NHS: variants seen among roughly 807,000 people sequenced by gnomAD.
NHS encodes NHS actin remodeling regulator.
A neutral mutation model predicts 72.5 loss-of-function variants in NHS; 5 were observed. The observed-to-expected ratio is 0.07, with a 90% CI of 0.04 to 0.14. NHS has a LOEUF of 0.14. Ranked by LOEUF, NHS falls within the 10% of genes least tolerant of loss-of-function variation. The pLI is 1.00. For synonymous variants in NHS, 464 were observed against 547.7 expected, an observed-to-expected ratio of 0.85 and a Z score of 2.13; for missense variants, 1,072 against 1,355.7, an observed-to-expected ratio of 0.79 and a Z score of 3.29.
chrX:17,609,158 A>T, intron 1 of NHS, among the ~76,000 whole-genome samples: 1 of 112,006 alleles, frequency 8.9e-6, no homozygotes, highest in Non-Finnish European at 1.9e-5. Context: ...CCCATCATTG[A>T]TTTATTTAAT....
chrX:17,575,172 A>T (rs920541034), intron 1 of NHS, among the ~76,000 whole-genome samples: 5 of 112,248 alleles, frequency 4.5e-5, no homozygotes, highest in African/African-American at 1.6e-4. Context: ...CATCAAAGTG[A>T]TCCTTTAACT....
intron 1 of NHS, among the ~76,000 whole-genome samples, chrX:17,598,788 T>C (rs1349100999): frequency 2.7e-5 from 3 of 111,373 alleles, no homozygotes; most frequent in East Asian, 2.8e-4. Flanking sequence ...GGTATACATA[T>C]AGAAAAATGC....
intron 3 of NHS, among the ~76,000 whole-genome samples, chrX:17,703,396 G>A (rs770336205): frequency 2.7e-5 from 3 of 112,308 alleles, no homozygotes; most frequent in African/African-American, 3.2e-5. Context: ...TCCACCAAGG[G>A]CAGATTTATG....
chrX:17,499,564 G>C (rs1439811556), intron 1 of NHS, among the ~76,000 whole-genome samples: 1 of 110,522 alleles, frequency 9.0e-6, no homozygotes, highest in Non-Finnish European at 1.9e-5. Context: ...ACCCGACACA[G>C]GGATTCTAGT....
At chrX:17,453,987 C>T (rs372118823) in intron 1 of NHS, among the ~76,000 whole-genome samples, 1 of 112,114 alleles carries the variant, frequency 8.9e-6, no homozygotes, top group East Asian at 2.8e-4. Flanking sequence ...TGCACCCACA[C>T]CCATGGTATG....
intron 1 of NHS, among the ~76,000 whole-genome samples, chrX:17,594,686 A>G (rs1298909412): frequency 8.9e-6 from 1 of 112,762 alleles, no homozygotes; most frequent in African/African-American, 3.2e-5. Context: ...ACAGAACAGG[A>G]GAAGACACTG....
chrX:17,615,121 C>CGTGT (rs1346757131), intron 1 of NHS, among the ~76,000 whole-genome samples: 48 of 94,861 alleles, frequency 5.1e-4, no homozygotes, highest in African/African-American at 1.7e-3. Flanking sequence ...TATATATACA[C>CGTGT]ACATATACAT....
chrX:17,597,643 C>T (rs1213688379), intron 1 of NHS, among the ~76,000 whole-genome samples: 1 of 110,412 alleles, frequency 9.1e-6, no homozygotes, highest in African/African-American at 3.3e-5. Flanking sequence ...AAATTGTTCT[C>T]ATTTGGGTTT....
At chrX:17,380,140 A>C (rs904846244) in intron 1 of NHS, among the ~76,000 whole-genome samples, 5 of 111,989 alleles carry the variant, frequency 4.5e-5, no homozygotes, top group African/African-American at 1.3e-4. Context: ...AAGGAGAATC[A>C]GAAGAGTGTA....
chrX:17,467,366 T>C lies in NHS; in HGVS notation c.565+91044T>C, dbSNP rs780618391. Among the ~76,000 whole-genome samples the C allele has an allele frequency of 9.8e-5, 11 of 111,847 alleles. 1 individual carries two copies. The highest frequency in any genetic ancestry group is 2.1e-4 in the Non-Finnish European group (11 of 53,184). On this transcript the variant is annotated intron_variant, in intron 1 of 8. Transcript: ENST00000676302. ...CACAGCATCTCATCTCTTGGTTTCA[T>C]TTAAAACTAAACAAATGAACTTAAT...
intron 1 of NHS, among the ~76,000 whole-genome samples, chrX:17,388,648 C>T (rs1404113252): frequency 9.2e-6 from 1 of 108,835 alleles, no homozygotes; most frequent in Non-Finnish European, 1.9e-5. Context: ...GGCAGTGGGG[C>T]GGATCACCTA....
intron 1 of NHS, among the ~76,000 whole-genome samples, chrX:17,548,007 G>C (rs2065302568): frequency 1.8e-5 from 2 of 112,062 alleles, no homozygotes; most frequent in Admixed American, 1.9e-4. Context: ...GGAAGCACAG[G>C]TGTTTCTTCA....
chrX:17,462,127 A>G (rs957771925), intron 1 of NHS, among the ~76,000 whole-genome samples: 18 of 111,637 alleles, frequency 1.6e-4, no homozygotes, highest in Middle Eastern at 4.6e-3. Context: ...ATTTGTGGCC[A>G]TTTAAATAAT....
chrX:17,492,527 A>G (rs768802926), intron 1 of NHS, among the ~76,000 whole-genome samples: 5 of 111,839 alleles, frequency 4.5e-5, no homozygotes, highest in African/African-American at 1.3e-4. Flanking sequence ...ATTCTTTTGC[A>G]TTTGCTGAGG....
rs113823934 is a variant in NHS at position 17,518,084 on chromosome X, C to T, written c.565+141762C>T. ...TGTCTGATACAGGTCAGCTACAGCT[C>T]TCTCCTGTCTCCTTCACTCCAGGAC... On this transcript the variant is annotated intron_variant, in intron 1 of 8. Coordinates refer to ENST00000676302, the MANE Select transcript of NHS (RefSeq NM_001291867.2). Among the ~76,000 whole-genome samples the T allele has an allele frequency of 4.5e-5, 5 of 111,922 alleles. No homozygotes were observed. The East Asian group carries it at 1.4e-3, about 32-fold the overall frequency.
At chrX:17,612,005 A>AC (rs1463827883) in intron 1 of NHS, among the ~76,000 whole-genome samples, 18 of 106,603 alleles carry the variant, frequency 1.7e-4, no homozygotes, top group Non-Finnish European at 3.5e-4. Flanking sequence ...ACTGCACCTC[A>AC]CCCCCCTCCA....
At chrX:17,539,251 G>C (rs1191131215) in intron 1 of NHS, among the ~76,000 whole-genome samples, 4 of 110,733 alleles carry the variant, frequency 3.6e-5, no homozygotes, top group African/African-American at 9.9e-5. Context: ...TTATTGGTTA[G>C]TGAGGCCCTT....
At chrX:17,584,518 A>G (rs1488212733) in intron 1 of NHS, among the ~76,000 whole-genome samples, 1 of 112,000 alleles carries the variant, frequency 8.9e-6, no homozygotes, top group East Asian at 2.8e-4. Context: ...TCAAAGATAA[A>G]CGTTGGATTT....
chrX:17,445,438 T>G (rs1301689154), intron 1 of NHS, among the ~76,000 whole-genome samples: 4 of 111,384 alleles, frequency 3.6e-5, no homozygotes, highest in Non-Finnish European at 3.8e-5. Flanking sequence ...TAAATGATTT[T>G]TTGTGTGTCT....
Sources: gnomAD v4.1 joint callset for allele counts (sites outside exome capture counted in the v4.1 genomes callset) on GRCh38, gnomAD v4.1.1 for gene constraint, MANE v1.5 for transcripts, NCBI Gene and HGNC (gene_info 2026-07-23, HGNC 2026-07-21) for gene names.